N4BP1: variants seen among roughly 807,000 people sequenced by gnomAD.
N4BP1 encodes NEDD4 binding protein 1.
Under a neutral mutation model 70.9 loss-of-function variants are expected in N4BP1, and 21 were observed. The ratio of observed to expected loss-of-function variants is 0.30; its 90% CI spans 0.21 to 0.43. The LOEUF is 0.43. Among genes scored for constraint, N4BP1 ranks in the 20% least tolerant of loss-of-function variants. N4BP1 has a pLI of 1.00. For missense variants in N4BP1, 936 were observed against 1,069.4 expected, an observed-to-expected ratio of 0.88 and a Z score of 1.74; for synonymous variants, 387 against 394.6, an observed-to-expected ratio of 0.98 and a Z score of 0.23.
intron 1 of N4BP1, among the ~76,000 whole-genome samples, chr16:48,598,759 C>T (rs1964456266): frequency 6.6e-6 from 1 of 151,996 alleles, no homozygotes; most frequent in Non-Finnish European, 1.5e-5. Context: ...GGACTCAGAG[C>T]CTCTGTACAC....
chr16:48,574,251 T>A (rs77049785), intron 1 of N4BP1, among the ~76,000 whole-genome samples: 1 of 152,190 alleles, frequency 6.6e-6, no homozygotes, highest in African/African-American at 2.4e-5. Flanking sequence ...CTACTTTTAA[T>A]AAAAAAATTT....
chr16:48,563,494 T>C (rs1401348523), intron 1 of N4BP1, among the ~76,000 whole-genome samples: 1 of 152,082 alleles, frequency 6.6e-6, no homozygotes, highest in Non-Finnish European at 1.5e-5. Flanking sequence ...CAAGCGACTC[T>C]TCTGCCTCAG....
In N4BP1 at chr16:48,561,828, T is replaced by G. The variant is rs200690525; in HGVS notation, c.815A>C (p.Asp272Ala). 30 of 1,613,714 alleles carry G rather than the reference T, an allele frequency of 1.9e-5. No individual in the cohort carries two copies. The highest frequency in any genetic ancestry group is 2.1e-5 in the Non-Finnish European group (25 of 1,179,894). ...LFDPINGLTP[D>A]EEALSNERIC... is the part of the protein sequence containing the mutation. ...TCTCTCATTGGAAAGTGCCTCTTCA[T>G]CTGGGGTTAGACCATTTATTGGATC... is the stretch of plus-strand genomic sequence containing the variant. Residue 272 changes from aspartate (D) to alanine (A), a missense_variant, in exon 2 of 7, where the codon GAT becomes GCT. Physicochemically the swap from Asp to Ala is moderately radical, Grantham distance 126. Coordinates refer to ENST00000262384, the MANE Select transcript of N4BP1 (RefSeq NM_153029.4).
intron 1 of N4BP1, among the ~76,000 whole-genome samples, chr16:48,580,633 A>G (rs773205818): frequency 2.0e-5 from 3 of 152,194 alleles, no homozygotes; most frequent in Non-Finnish European, 4.4e-5. Flanking sequence ...CAAAAAAAGA[A>G]AACTGCAGGC....
intron 1 of N4BP1, chr16:48,600,468 C>T (rs145864370): frequency 2.9e-5 from 18 of 612,004 alleles, no homozygotes; most frequent in Admixed American, 6.2e-5. Flanking sequence ...CAAACAGAAA[C>T]GCCAAGCTAA....
At chr16:48,608,791 G>A (rs1171236842) in intron 1 of N4BP1, among the ~76,000 whole-genome samples, 1 of 151,550 alleles carries the variant, frequency 6.6e-6, no homozygotes, top group East Asian at 1.9e-4. Context: ...TGGTGGGGAG[G>A]ATAAAATCTA....
intron 2 of N4BP1, among the ~76,000 whole-genome samples, chr16:48,556,677 G>A (rs3826175): frequency 0.021 from 3,271 of 152,308 alleles, 54 homozygotes; most frequent in East Asian, 0.032. Context: ...AGTGTCCAAA[G>A]TGGAGGAGAG....
chr16:48,581,041 T>C (rs1597105098), intron 1 of N4BP1, among the ~76,000 whole-genome samples: 2 of 152,014 alleles, frequency 1.3e-5, no homozygotes, highest in African/African-American at 4.8e-5. Context: ...ACTACTGTAA[T>C]AGCAAAGAGA....
intron 3 of N4BP1, among the ~76,000 whole-genome samples, chr16:48,552,699 G>GA (rs71134556): frequency 0.025 from 456 of 18,496 alleles, 98 homozygotes; most frequent in Non-Finnish European, 0.049. Flanking sequence ...CTCCGTCTCA[G>GA]AAAAAAAAAA....
At chr16:48,552,729 A>AAAAAAAAAAAAAAAAC (rs1963693338) in intron 3 of N4BP1, among the ~76,000 whole-genome samples, 1 of 143,208 alleles carries the variant, frequency 7.0e-6, no homozygotes, top group African/African-American at 2.7e-5. Flanking sequence ...AAAAAAAAAA[A>AAAAAAAAAAAAAAAAC]AAAAAAAAAG....
intron 3 of N4BP1, among the ~76,000 whole-genome samples, chr16:48,553,032 C>T (rs1015999376): frequency 3.3e-5 from 5 of 152,152 alleles, no homozygotes; most frequent in African/African-American, 1.2e-4. Flanking sequence ...CTATCATGAC[C>T]TATGACACAA....
At chr16:48,550,155 G>T (rs755352503) in intron 4 of N4BP1, among the ~76,000 whole-genome samples, 2 of 152,140 alleles carry the variant, frequency 1.3e-5, no homozygotes, top group Non-Finnish European at 2.9e-5. Context: ...TCTGAATCAT[G>T]CATGTCCCCA....
chr16:48,542,798 C>T lies in N4BP1; in HGVS notation c.*106G>A, dbSNP rs1963523746. On this transcript the variant is annotated 3_prime_UTR_variant, in exon 7 of 7. Coordinates refer to ENST00000262384, the MANE Select transcript of N4BP1 (RefSeq NM_153029.4). ...TTTTTTCTGTACAACTGCGTTTACA[C>T]TGGGAAATAAGTTTCTTCACATTAT... 3 of 1,083,992 alleles carry T rather than the reference C, an allele frequency of 2.8e-6. No homozygotes were observed. Among genetic ancestry groups the T allele is most frequent in the Non-Finnish European group, 3.9e-6 (3 of 776,134 alleles). The allele number at this position is 1,083,992 out of a possible 1,614,324, so 67.1% of individuals were successfully genotyped here. A position where few individuals can be genotyped will look rare whatever the true frequency, so the allele number is the denominator to read the frequency against.
chr16:48,562,402 C>A lies in N4BP1; in HGVS notation c.241G>T (p.Glu81Ter). 6.2e-7 allele frequency: 1 copy of A among 1,612,720 alleles called. No individual in the cohort carries two copies. Among genetic ancestry groups the A allele is most frequent in the Non-Finnish European group, 8.5e-7 (1 of 1,179,482 alleles). The part of the protein sequence containing the change: ...GICEPELEER[E>*]CYPKDMHCIF... The stretch of plus-strand genomic sequence containing the variant: ...CAGTGCATGTCCTTGGGGTAACATT[C>A]TCTTTCTTCTAGTTCAGGTTCACAG... Residue 81 changes from glutamate (E) to a stop codon, truncating the protein, a stop_gained, in exon 2 of 7, where the codon GAA becomes TAA. Coordinates refer to ENST00000262384, the MANE Select transcript of N4BP1 (RefSeq NM_153029.4). LOFTEE classifies it high-confidence loss of function.
At chr16:48,609,511 C>A (rs988264542) in intron 1 of N4BP1, among the ~76,000 whole-genome samples, 3 of 152,230 alleles carry the variant, frequency 2.0e-5, no homozygotes, top group African/African-American at 7.2e-5. Flanking sequence ...CATACACATC[C>A]CCCACTTTCA....
chr16:48,562,586 T>G (rs553546566), intron 1 of N4BP1, 142 bp from the exon 2 acceptor site: 11 of 727,712 alleles, frequency 1.5e-5, no homozygotes, highest in Non-Finnish European at 2.4e-5. Flanking sequence ...TGTCATGTTT[T>G]AAATAAAACA....
chr16:48,562,749 T>C (rs1013815082), intron 1 of N4BP1, among the ~76,000 whole-genome samples: 1 of 152,206 alleles, frequency 6.6e-6, no homozygotes, highest in African/African-American at 2.4e-5. Context: ...AGGCTGGATT[T>C]ATTTACATCT....
At chr16:48,599,476 C>T (rs528674034) in intron 1 of N4BP1, among the ~76,000 whole-genome samples, 1 of 152,352 alleles carries the variant, frequency 6.6e-6, no homozygotes, top group African/African-American at 2.4e-5. Context: ...CAAGGACATT[C>T]ACCAGTTTTG....
chr16:48,600,782 T>C, intron 1 of N4BP1: 1 of 275,692 alleles, frequency 3.6e-6, no homozygotes, highest in Admixed American at 4.9e-5. Flanking sequence ...TACACTGCCA[T>C]CTACAAAACA....
Sources: allele counts gnomAD v4.1 joint callset (sites outside exome capture counted in the v4.1 genomes callset), GRCh38; gene constraint gnomAD v4.1.1; transcripts MANE v1.5; gene names NCBI Gene and HGNC (gene_info 2026-07-23, HGNC 2026-07-21).